The following SLIT2 variants were observed in gnomAD, a reference collection of about 807,000 sequenced individuals.
SLIT2 encodes slit homolog 2 protein.
Under a neutral mutation model 185.7 loss-of-function variants are expected in SLIT2, and 41 were observed. The observed-to-expected ratio is 0.22, with a 90% confidence interval of 0.17 to 0.29. The LOEUF is 0.29. Among genes scored for constraint, SLIT2 ranks in the 10% least tolerant of loss-of-function variants. The pLI, the probability that SLIT2 is intolerant of heterozygous loss-of-function variation, is 1.00. For missense variants in SLIT2, 1,571 were observed against 1,909.0 expected (o/e 0.82, Z 3.30); for synonymous variants, 693 against 680.2 (o/e 1.02, Z -0.29).
intron 29 of SLIT2, among the ~76,000 whole-genome samples, chr4:20,577,192 A>G (rs898354702): frequency 2.0e-5 from 3 of 152,164 alleles, no homozygotes; most frequent in Non-Finnish European, 4.4e-5. Context: ...TTCCAAGAAC[A>G]TTAATAATAT....
At chr4:20,573,362 G>T in intron 29 of SLIT2, 1 of 692,540 alleles carries the variant, frequency 1.4e-6, no homozygotes, top group South Asian at 1.5e-5. Context: ...AAGGAATGTT[G>T]ACAAAATATA....
chr4:20,601,959 C>T (rs1728443058), intron 33 of SLIT2, among the ~76,000 whole-genome samples: 1 of 152,106 alleles, frequency 6.6e-6, no homozygotes, highest in South Asian at 2.1e-4. Flanking sequence ...ACCTCAGGTG[C>T]ATCATTTCAA....
intron 8 of SLIT2, chr4:20,490,102 T>C (rs1717642647): frequency 1.3e-5 from 2 of 151,896 alleles, no homozygotes; most frequent in South Asian, 4.1e-4. Flanking sequence ...AATAAATAAA[T>C]CAATAAAATA....
chr4:20,410,392 G>T (rs1727147424), intron 4 of SLIT2, among the ~76,000 whole-genome samples: 1 of 150,774 alleles, frequency 6.6e-6, no homozygotes, highest in African/African-American at 2.4e-5. Flanking sequence ...GGGATTACAG[G>T]TGCCTGCCAC....
At chr4:20,560,065 T>A (rs2148903461) in intron 26 of SLIT2, among the ~76,000 whole-genome samples, 1 of 152,016 alleles carries the variant, frequency 6.6e-6, no homozygotes, top group Admixed American at 6.6e-5. Context: ...AGCAGCAAAG[T>A]CATGTTTCTT....
At chr4:20,552,615 TTGA>T (rs1723869324) in intron 25 of SLIT2, 1 of 152,130 alleles carries the variant, frequency 6.6e-6, no homozygotes, top group Admixed American at 6.5e-5. Flanking sequence ...TTGGAAGGGT[TTGA>T]ATCTGACATA....
intron 5 of SLIT2, among the ~76,000 whole-genome samples, chr4:20,472,397 G>GATATCTATATCTATAT (rs1266399454): frequency 8.9e-5 from 2 of 22,396 alleles, no homozygotes; most frequent in Non-Finnish European, 1.4e-4. Context: ...TAGATATATA[G>GATATCTATATCTATAT]ATATAGATAT....
At chr4:20,331,639 T>G (rs1720077273) in intron 4 of SLIT2, among the ~76,000 whole-genome samples, 1 of 152,170 alleles carries the variant, frequency 6.6e-6, no homozygotes, top group African/African-American at 2.4e-5. Flanking sequence ...TCTTGAAGTA[T>G]AATTCAAATG....
chr4:20,373,347 C>A (rs916254527), intron 4 of SLIT2, among the ~76,000 whole-genome samples: 1 of 152,026 alleles, frequency 6.6e-6, no homozygotes, highest in Admixed American at 6.6e-5. Context: ...AAATACCTAA[C>A]TCAATAATGT....
At chr4:20,428,454 T>G (rs914364255) in intron 4 of SLIT2, among the ~76,000 whole-genome samples, 3 of 152,218 alleles carry the variant, frequency 2.0e-5, no homozygotes, top group Non-Finnish European at 2.9e-5. Flanking sequence ...TTGAGGTTTT[T>G]TGTTATTGTG....
intron 4 of SLIT2, among the ~76,000 whole-genome samples, chr4:20,365,937 C>T (rs1008803364): frequency 3.9e-5 from 6 of 152,250 alleles, no homozygotes; most frequent in East Asian, 1.9e-4. Flanking sequence ...TGTGTCTTAA[C>T]ACTGAGGTCA....
intron 26 of SLIT2, among the ~76,000 whole-genome samples, chr4:20,557,302 C>T (rs1316633474): frequency 6.6e-6 from 1 of 152,020 alleles, no homozygotes; most frequent in Admixed American, 6.6e-5. Context: ...AAGTCAGTGC[C>T]TGGCTTCAAA....
rs759322009 is a variant in SLIT2 at position 20,523,864 on chromosome 4, C to G, written c.1235C>G (p.Ala412Gly). ...SLYDNKLQTI[A>G]KGTFSPLRAI... The stretch of plus-strand genomic sequence containing the variant: ...TATGACAACAAGCTTCAGACCATCG[C>G]CAAGGGGACCTTTTCACCTCTTCGG... The change falls in exon 13 of 37, where the codon GCC becomes GGC. Residue 412 changes from alanine to glycine, a missense_variant. Physicochemically the swap from Ala to Gly is moderately conservative, Grantham distance 60 (BLOSUM62 0). Coordinates refer to ENST00000504154, the MANE Select transcript of SLIT2 (RefSeq NM_004787.4). 1.2e-5 allele frequency: 20 copies of G among 1,614,106 alleles called. No homozygotes were observed. The highest frequency in any genetic ancestry group is 1.7e-5 in the Non-Finnish European group (20 of 1,179,984).
chr4:20,529,533 A>G (rs752543119), intron 16 of SLIT2, among the ~76,000 whole-genome samples: 29 of 152,210 alleles, frequency 1.9e-4, no homozygotes, highest in Admixed American at 3.9e-4. Flanking sequence ...CTAATTTACT[A>G]CTTCATTGAC....
chr4:20,553,735 T>TG, intron 25 of SLIT2, 70 bp from the exon 26 acceptor site: 9 of 1,119,342 alleles, frequency 8.0e-6, no homozygotes, highest in East Asian at 2.9e-5. Context: ...ACTTCCATAC[T>TG]TGTGTGTGTG....
intron 18 of SLIT2, among the ~76,000 whole-genome samples, chr4:20,534,288 A>G (rs1453164576): frequency 6.6e-6 from 1 of 152,208 alleles, no homozygotes; most frequent in Non-Finnish European, 1.5e-5. Flanking sequence ...AAAGAAAGAC[A>G]GGCTGGTGAT....
Position 20,424,288 on chromosome 4 carries a change from T to C in SLIT2, c.396-43464T>C, listed in dbSNP as rs564578969. 6.4e-4 allele frequency among the ~76,000 whole-genome samples: 97 copies of C among 152,226 alleles called. No homozygotes were observed. In the South Asian group the frequency reaches 0.014, roughly 23 times the overall value. On this transcript the variant is annotated intron_variant, in intron 4 of 36. Transcript: ENST00000504154. ...TTTTATTGTTCTCTGACAGGTCTTC[T>C]TTCTGAATTAGATTACTTACCCATC...
intron 4 of SLIT2, among the ~76,000 whole-genome samples, chr4:20,345,537 C>CTTTTTTTTT (rs149402460): frequency 8.9e-5 from 10 of 112,314 alleles, no homozygotes; most frequent in Non-Finnish European, 1.3e-4. Flanking sequence ...TTCCTTTTTT[C>CTTTTTTTTT]TTTTTTCTTT....
At chr4:20,327,315 C>T (rs77746906) in intron 4 of SLIT2, among the ~76,000 whole-genome samples, 2,103 of 152,010 alleles carry the variant, frequency 0.014, 21 homozygotes, top group Non-Finnish European at 0.024. Flanking sequence ...TTACTTTCCA[C>T]GAAGCTAATT....
Sources: gnomAD v4.1 joint callset for allele counts (sites outside exome capture counted in the v4.1 genomes callset) on GRCh38, gnomAD v4.1.1 for gene constraint, MANE v1.5 for transcripts, NCBI Gene and HGNC (gene_info 2026-07-23, HGNC 2026-07-21) for gene names.